The following CSMD2 variants were observed in gnomAD, a reference collection of about 807,000 sequenced individuals.
CSMD2 encodes the protein CUB and Sushi multiple domains 2, also known as CUB and sushi domain-containing protein 2.
In CSMD2, 130 loss-of-function variants were observed where a neutral mutation model predicts 398.5. That is an observed-to-expected ratio of 0.33 (90% CI 0.28 to 0.38). The LOEUF (loss-of-function observed/expected upper bound fraction) is 0.38, where lower values mean the gene tolerates loss of function less well. CSMD2 is among the 10% of genes least tolerant of loss of function. The pLI is 1.00. For synonymous variants in CSMD2, 1,828 were observed against 1,908.5 expected, an observed-to-expected ratio of 0.96 and a Z score of 1.10; for missense variants, 3,829 against 4,764.9, an observed-to-expected ratio of 0.80 and a Z score of 5.78.
chr1:33,805,811 G>T (rs1656164063), intron 10 of CSMD2, among the ~76,000 whole-genome samples: 1 of 151,928 alleles, frequency 6.6e-6, no homozygotes, highest in Non-Finnish European at 1.5e-5. Context: ...ATCAGAAACC[G>T]AATTTAGTTG....
intron 10 of CSMD2, among the ~76,000 whole-genome samples, chr1:33,808,241 A>C (rs1656450123): frequency 1.3e-5 from 2 of 152,104 alleles, no homozygotes; most frequent in Non-Finnish European, 1.5e-5. Flanking sequence ...AAATCAATGA[A>C]GATATAAAAG....
Position 34,070,693 on chromosome 1 carries a change from C to T in CSMD2, c.404+18284G>A, listed in dbSNP as rs989522554. On this transcript the variant is annotated intron_variant, in intron 2 of 70. Coordinates refer to ENST00000373381, the MANE Select transcript of CSMD2 (RefSeq NM_001281956.2). ...AAGAACTCTTTGTGTCTGCATTCCCCCACCCCCACCCTTGCAGACCAAGGC... is the reference window on the plus strand; with the variant it reads ...AAGAACTCTTTGTGTCTGCATTCCCTCACCCCCACCCTTGCAGACCAAGGC... Among the ~76,000 whole-genome samples, 3 of 151,918 alleles carry T rather than the reference C, an allele frequency of 2.0e-5. No individual in the cohort carries two copies. In the East Asian group the frequency reaches 5.8e-4, roughly 29 times the overall value.
At chr1:33,535,744 C>A (rs1655706914) in intron 62 of CSMD2, among the ~76,000 whole-genome samples, 1 of 152,192 alleles carries the variant, frequency 6.6e-6, no homozygotes, top group African/African-American at 2.4e-5. Context: ...ACTTTCCAGG[C>A]CCCCAGGCTG....
At chr1:34,066,957 G>A (rs2148283872) in intron 2 of CSMD2, among the ~76,000 whole-genome samples, 1 of 152,232 alleles carries the variant, frequency 6.6e-6, no homozygotes, top group Middle Eastern at 3.4e-3. Context: ...GCTTGGAAGG[G>A]GACAGGATCG....
chr1:33,759,427 G>A (rs886665648), intron 13 of CSMD2, among the ~76,000 whole-genome samples: 1 of 145,730 alleles, frequency 6.9e-6, no homozygotes, highest in Admixed American at 7.2e-5. Context: ...CCGGGTTCAC[G>A]CCATTCTCCT....
At chr1:33,664,823 A>ATAAC (rs1245600572) in intron 25 of CSMD2, among the ~76,000 whole-genome samples, 1 of 152,060 alleles carries the variant, frequency 6.6e-6, no homozygotes. Flanking sequence ...AAATAAATAA[A>ATAAC]TAAAAAGAAA....
At chr1:34,096,706 G>A (rs1220162792) in intron 1 of CSMD2, among the ~76,000 whole-genome samples, 2 of 90,228 alleles carry the variant, frequency 2.2e-5, no homozygotes, top group East Asian at 3.2e-4. Flanking sequence ...ACTTACAAGG[G>A]ATGTGAAGGA....
At chr1:33,581,057 G>C (rs1022226130) in intron 47 of CSMD2, among the ~76,000 whole-genome samples, 158 bp from the exon 48 acceptor site, 1 of 152,058 alleles carries the variant, frequency 6.6e-6, no homozygotes, top group Non-Finnish European at 1.5e-5. Context: ...ATTGCTCAAG[G>C]TGCTCTTTTC....
rs117865897 is a variant in CSMD2 at position 33,852,437 on chromosome 1, C to G, written c.921-5441G>C. Among the ~76,000 whole-genome samples the G allele has an allele frequency of 2.8e-3, 422 of 152,348 alleles. 8 individuals carry two copies. In the East Asian group the frequency reaches 0.033, roughly 12 times the overall value. On this transcript the variant is annotated intron_variant, in intron 5 of 70. Coordinates refer to ENST00000373381, the MANE Select transcript of CSMD2 (RefSeq NM_001281956.2). ...AGCTACACAGAATGGCTTGTACATC[C>G]TGGAATGCGACTAGTACTTTCGTGT...
chr1:33,606,004 A>G (rs1238638639), intron 41 of CSMD2: 1 of 1,608,358 alleles, frequency 6.2e-7, no homozygotes, highest in Non-Finnish European at 8.5e-7. Context: ...GCAAGGAGAG[A>G]AGCTTTTCAG....
intron 6 of CSMD2, 44 bp from the exon 7 acceptor site, chr1:33,825,818 T>G: frequency 6.6e-7 from 1 of 1,520,762 alleles, no homozygotes; most frequent in Non-Finnish European, 9.1e-7. Flanking sequence ...TTGTTGCCTG[T>G]GACCAGGGAT....
intron 37 of CSMD2, among the ~76,000 whole-genome samples, chr1:33,621,650 G>C (rs1557635498): frequency 6.6e-6 from 1 of 152,172 alleles, no homozygotes; most frequent in African/African-American, 2.4e-5. Context: ...CTCTTTCTTT[G>C]TTCCCCAGAA....
chr1:33,959,907 A>G lies in CSMD2; in HGVS notation c.518-23953T>C, dbSNP rs1037483517. On this transcript the variant is annotated intron_variant, in intron 3 of 70. Coordinates refer to ENST00000373381, the MANE Select transcript of CSMD2 (RefSeq NM_001281956.2). ...GTCTCCACACCAGAAGTCAACCTCT[A>G]CAAGGGCAGCGGCTTTGTTGCATTC... Among the ~76,000 whole-genome samples the G allele has an allele frequency of 2.6e-5, 4 of 152,138 alleles. 1 individual carries two copies. The highest frequency in any genetic ancestry group is 4.4e-5 in the Non-Finnish European group (3 of 68,034).
chr1:33,923,605 C>T (rs1283310819), intron 4 of CSMD2, among the ~76,000 whole-genome samples: 3 of 152,222 alleles, frequency 2.0e-5, no homozygotes, highest in Non-Finnish European at 4.4e-5. Context: ...GGGCATCCAT[C>T]ACCTCAAGAG....
chr1:33,698,808 C>G lies in CSMD2; in HGVS notation c.3870G>C (p.Leu1290=). The G allele has an allele frequency of 6.2e-7, 1 of 1,614,166 alleles. No individual in the cohort carries two copies. The highest frequency in any genetic ancestry group is 2.2e-5 in the East Asian group (1 of 44,878). Residue 1290 remains leucine (L), a synonymous_variant, in exon 24 of 71, where the codon CTG becomes CTC. Transcript: ENST00000373381. ...PGYSLRGSEE[L]LCLSGERRTW... ...TCCGGCGCTCTCCACTCAGACACAG[C>G]AGCTCCTCACTACCCCGCAGGCTGT...
chr1:33,832,710 G>C (rs1659736323), intron 6 of CSMD2, among the ~76,000 whole-genome samples: 4 of 150,832 alleles, frequency 2.7e-5, no homozygotes, highest in African/African-American at 9.8e-5. Flanking sequence ...ATGAATCCAG[G>C]AGCTGGTTTT....
At chr1:33,694,592 G>A (rs1057382061) in intron 24 of CSMD2, among the ~76,000 whole-genome samples, 11 of 152,108 alleles carry the variant, frequency 7.2e-5, no homozygotes, top group Non-Finnish European at 1.6e-4. Flanking sequence ...TTGTAAAGAA[G>A]GTGCCTGCTT....
chr1:33,988,677 C>A (rs1157147885), intron 3 of CSMD2, among the ~76,000 whole-genome samples: 2 of 151,872 alleles, frequency 1.3e-5, no homozygotes, highest in South Asian at 2.1e-4. Flanking sequence ...TAAAACAACA[C>A]CTGACATGTC....
At chr1:33,718,291 G>A (rs1212254161) in intron 19 of CSMD2, among the ~76,000 whole-genome samples, 2 of 152,200 alleles carry the variant, frequency 1.3e-5, no homozygotes, top group Admixed American at 6.5e-5. Context: ...AGAGCAGCAT[G>A]GTCTTAACAC....
Sources: gnomAD v4.1 joint callset for allele counts (sites outside exome capture counted in the v4.1 genomes callset) on GRCh38, gnomAD v4.1.1 for gene constraint, MANE v1.5 for transcripts, NCBI Gene and HGNC (gene_info 2026-07-23, HGNC 2026-07-21) for gene names.